Variants in FTO observed in about 807,000 individuals in gnomAD.
FTO encodes alpha-ketoglutarate-dependent dioxygenase FTO.
Under a neutral mutation model 63.9 loss-of-function variants are expected in FTO, and 47 were observed. That is an observed-to-expected ratio of 0.74 (90% CI 0.58 to 0.94). The LOEUF is 0.94. Among genes scored for constraint, FTO ranks in the 40% least tolerant of loss-of-function variants. The pLI is 0.00. For synonymous variants in FTO, 207 were observed against 224.4 expected (o/e 0.92, Z 0.69); for missense variants, 562 against 618.1 (o/e 0.91, Z 0.96).
At chr16:54,085,871 A>C (rs2144530699) in intron 8 of FTO, among the ~76,000 whole-genome samples, 1 of 152,276 alleles carries the variant, frequency 6.6e-6, no homozygotes, top group African/African-American at 2.4e-5. Flanking sequence ...AAGGGTCTAG[A>C]GGTACCCTTG....
intron 8 of FTO, among the ~76,000 whole-genome samples, chr16:54,021,209 T>C (rs2144147794): frequency 1.3e-5 from 2 of 151,914 alleles, no homozygotes; most frequent in Admixed American, 1.3e-4. Context: ...TCTACCATCC[T>C]CATCTTTTCA....
intron 8 of FTO, chr16:53,979,620 T>C (rs1253004019): frequency 2.6e-6 from 1 of 389,354 alleles, no homozygotes; most frequent in Non-Finnish European, 4.5e-6. Flanking sequence ...TTTTGTGGCG[T>C]ACATGTTAAC....
chr16:53,706,207 AAGT>A lies in FTO; in HGVS notation c.45+1982_45+1984del, dbSNP rs145046431. ...AATATTATTTGTTAGAACAAAGTAT[AAGT>A]AGTTGTTTTAAATCTTAAATGTAAA... is the stretch of plus-strand genomic sequence containing the variant. On this transcript the variant is annotated intron_variant, in intron 1 of 8. Coordinates refer to ENST00000471389, the MANE Select transcript of FTO (RefSeq NM_001080432.3). Among the ~76,000 whole-genome samples, 377 of 152,322 alleles carry A rather than the reference AAGT, an allele frequency of 2.5e-3. 2 individuals are homozygous for A. Among genetic ancestry groups the A allele is most frequent in the African/African-American group, 8.3e-3 (346 of 41,568 alleles).
chr16:53,737,781 C>T (rs2076423603), intron 1 of FTO, among the ~76,000 whole-genome samples: 1 of 151,990 alleles, frequency 6.6e-6, no homozygotes, highest in Non-Finnish European at 1.5e-5. Flanking sequence ...CTCTACTCCT[C>T]CCCCCAGCCT....
At chr16:53,990,614 C>T (rs1041440144) in intron 8 of FTO, among the ~76,000 whole-genome samples, 1 of 150,334 alleles carries the variant, frequency 6.7e-6, no homozygotes, top group South Asian at 2.1e-4. Context: ...GTGTGTCTCA[C>T]ATGCTTTTAC....
intron 4 of FTO, among the ~76,000 whole-genome samples, chr16:53,858,943 G>A (rs961650906): frequency 1.3e-5 from 2 of 152,154 alleles, no homozygotes; most frequent in African/African-American, 4.8e-5. Context: ...ACAGGCATGA[G>A]CCACCTTGCC....
chr16:54,085,026 T>A (rs1247429971), intron 8 of FTO, among the ~76,000 whole-genome samples: 2 of 146,024 alleles, frequency 1.4e-5, no homozygotes, highest in African/African-American at 5.0e-5. Context: ...TTGGCAAAGA[T>A]CCTGTCTGCT....
chr16:54,038,890 G>C (rs1377466367), intron 8 of FTO, among the ~76,000 whole-genome samples: 3 of 152,114 alleles, frequency 2.0e-5, no homozygotes, highest in African/African-American at 7.2e-5. Flanking sequence ...TCCAGTCTCA[G>C]GTATTCCTTT....
intron 8 of FTO, among the ~76,000 whole-genome samples, chr16:54,111,061 C>T (rs559555039): frequency 6.6e-6 from 1 of 152,162 alleles, no homozygotes; most frequent in Non-Finnish European, 1.5e-5. Context: ...TAATTAATTT[C>T]TCTACTATTG....
chr16:53,817,845 T>C (rs374429476), intron 2 of FTO, among the ~76,000 whole-genome samples: 1 of 152,224 alleles, frequency 6.6e-6, no homozygotes, highest in Non-Finnish European at 1.5e-5. Context: ...ATTTTATATC[T>C]AAAATACCTT....
chr16:53,835,497 A>AT (rs888979646), intron 3 of FTO, among the ~76,000 whole-genome samples: 5 of 151,902 alleles, frequency 3.3e-5, no homozygotes, highest in South Asian at 2.1e-4. Context: ...AGGAAATAAT[A>AT]TTTTTTTTCA....
chr16:53,826,064 C>G lies in FTO; in HGVS notation c.324C>G (p.Tyr108Ter), dbSNP rs1253634102. ...LIGNPGCTYK[Y>*]LNTRLFTVPW... is the part of the protein sequence containing the mutation. ...GTAATCCAGGCTGCACCTACAAGTA[C>G]CTGAACACCAGGCTCTTTACGGTCC... The change falls in exon 3 of 9, where the codon TAC becomes TAG. Residue 108 changes from tyrosine to a stop codon, truncating the protein, a stop_gained. Coordinates refer to ENST00000471389, the MANE Select transcript of FTO (RefSeq NM_001080432.3). LOFTEE classifies it high-confidence loss of function. 1 of 1,614,140 alleles carries G rather than the reference C, an allele frequency of 6.2e-7. No individual in the cohort carries two copies. Among genetic ancestry groups the G allele is most frequent in the South Asian group, 1.1e-5 (1 of 91,082 alleles).
At chr16:53,867,014 G>T (rs1006898613) in intron 4 of FTO, among the ~76,000 whole-genome samples, 2 of 151,922 alleles carry the variant, frequency 1.3e-5, no homozygotes, top group Non-Finnish European at 2.9e-5. Context: ...CTATACATTT[G>T]TGGCATTTAA....
intron 8 of FTO, among the ~76,000 whole-genome samples, chr16:54,009,112 C>G (rs1412776181): frequency 1.3e-5 from 2 of 152,090 alleles, no homozygotes; most frequent in East Asian, 1.9e-4. Flanking sequence ...AACTGTCATC[C>G]TGAACTCGGC....
At chr16:53,751,889 C>G (rs1456185793) in intron 1 of FTO, among the ~76,000 whole-genome samples, 1 of 152,206 alleles carries the variant, frequency 6.6e-6, no homozygotes, top group Non-Finnish European at 1.5e-5. Flanking sequence ...CTCTCTGATT[C>G]AAGCTGCAGT....
At chr16:53,789,605 AT>A (rs2077840944) in intron 1 of FTO, among the ~76,000 whole-genome samples, 1 of 152,170 alleles carries the variant, frequency 6.6e-6, no homozygotes, top group South Asian at 2.1e-4. Context: ...TAGTTTAGAA[AT>A]AATGTCAATT....
At chr16:53,924,287 T>G (rs113972348) in intron 7 of FTO, among the ~76,000 whole-genome samples, 17 of 152,278 alleles carry the variant, frequency 1.1e-4, no homozygotes, top group African/African-American at 4.1e-4. Flanking sequence ...AGGAAACTGA[T>G]CAAAGAAACA....
intron 7 of FTO, among the ~76,000 whole-genome samples, chr16:53,928,296 TG>T (rs1215746267): frequency 6.6e-6 from 1 of 152,086 alleles, no homozygotes; most frequent in Non-Finnish European, 1.5e-5. Context: ...CCTAAACCTG[TG>T]GGGGTTTTCT....
intron 2 of FTO, among the ~76,000 whole-genome samples, chr16:53,825,578 T>C (rs954137856): frequency 1.4e-4 from 22 of 152,194 alleles, no homozygotes; most frequent in Non-Finnish European, 3.1e-4. Flanking sequence ...GAAAAAGTGG[T>C]CACAGAATAA....
Sources: gnomAD v4.1 joint callset for allele counts (sites outside exome capture counted in the v4.1 genomes callset) on GRCh38, gnomAD v4.1.1 for gene constraint, MANE v1.5 for transcripts, NCBI Gene and HGNC (gene_info 2026-07-23, HGNC 2026-07-21) for gene names.